STRN3: variants seen among roughly 807,000 people sequenced by gnomAD.
The protein encoded by STRN3 is striatin 3.
Under a neutral mutation model 95.6 loss-of-function variants are expected in STRN3, and 29 were observed. The ratio of observed to expected loss-of-function variants is 0.30; its 90% CI spans 0.23 to 0.41. The LOEUF is 0.41. Among genes scored for constraint, STRN3 ranks in the 10% least tolerant of loss-of-function variants. STRN3 has a pLI of 1.00. For synonymous variants in STRN3, 331 were observed against 357.6 expected (o/e 0.93, Z 0.84); for missense variants, 890 against 972.1 (o/e 0.92, Z 1.12).
intron 1 of STRN3, among the ~76,000 whole-genome samples, chr14:31,019,829 T>C (rs1883417125): frequency 6.6e-6 from 1 of 152,068 alleles, no homozygotes; most frequent in Non-Finnish European, 1.5e-5. Flanking sequence ...TTTAGGATAC[T>C]GATGTTACCT....
intron 1 of STRN3, among the ~76,000 whole-genome samples, chr14:30,962,953 G>A (rs1455740386): frequency 1.3e-5 from 2 of 152,070 alleles, no homozygotes; most frequent in African/African-American, 4.8e-5. Flanking sequence ...TCTCAGAATA[G>A]GCTATACCAC....
intron 3 of STRN3, among the ~76,000 whole-genome samples, chr14:30,952,124 C>CAAAAA (rs71112359): frequency 2.0e-5 from 3 of 149,950 alleles, no homozygotes; most frequent in African/African-American, 7.4e-5. Context: ...TCTTAAACAA[C>CAAAAA]AAAAAAAAAG....
chr14:30,925,040 A>G (rs533955876), intron 8 of STRN3, among the ~76,000 whole-genome samples: 2 of 152,354 alleles, frequency 1.3e-5, no homozygotes, highest in East Asian at 3.9e-4. Flanking sequence ...TTGAAGCCTG[A>G]GACCAAAATA....
At chr14:31,014,633 T>G in intron 1 of STRN3, 1 of 442,614 alleles carries the variant, frequency 2.3e-6, no homozygotes, top group Non-Finnish European at 4.5e-6. Flanking sequence ...TTTTAAATCT[T>G]GTTCACTGAA....
At chr14:30,905,339 A>C in intron 15 of STRN3, 79 bp downstream of exon 15, 1 of 1,331,996 alleles carries the variant, frequency 7.5e-7, no homozygotes, top group Non-Finnish European at 9.9e-7. Flanking sequence ...TAGTGAAAAT[A>C]TGAAAATTAG....
chr14:30,973,980 A>G (rs1310195390), intron 1 of STRN3, among the ~76,000 whole-genome samples: 1 of 152,234 alleles, frequency 6.6e-6, no homozygotes, highest in Non-Finnish European at 1.5e-5. Flanking sequence ...TAAAAGCCAT[A>G]TATGAAAAGC....
chr14:30,912,015 AG>A lies in STRN3; in HGVS notation c.1541del (p.Pro514LeufsTer8). On this transcript the variant is annotated frameshift_variant, in exon 11 of 18. Coordinates refer to ENST00000357479, the MANE Select transcript of STRN3 (RefSeq NM_001083893.2). LOFTEE classifies it high-confidence loss of function. ...AACACTAAAATACTTGCTTTTTGGC[AG>A]GAACTGTTTTTTGCAGGTTCCAAAG... ...LKLWNLQKTV[P>X]AKKSASLDVE... is the part of the protein sequence containing the mutation. The A allele has an allele frequency of 6.2e-7, 1 of 1,606,230 alleles. No homozygotes were observed. Among genetic ancestry groups the A allele is most frequent in the Non-Finnish European group, 8.5e-7 (1 of 1,178,160 alleles).
intron 8 of STRN3, among the ~76,000 whole-genome samples, chr14:30,924,351 G>A (rs576388708): frequency 2.1e-4 from 28 of 130,894 alleles, no homozygotes; most frequent in South Asian, 7.3e-4. Flanking sequence ...GCAGTGGCGC[G>A]ATCCTGACTC....
At chr14:30,947,750 C>T (rs1057265712) in intron 4 of STRN3, among the ~76,000 whole-genome samples, 1 of 152,122 alleles carries the variant, frequency 6.6e-6, no homozygotes, top group Non-Finnish European at 1.5e-5. Context: ...AATTCTCCTT[C>T]TAGGATCTAA....
rs2273171 is a variant in STRN3, at chr14:30,912,145, T to C, written c.1412A>G (p.Asn471Ser). The change falls in exon 11 of 18, where the codon AAT (asparagine) becomes AGT (serine). Residue 471 changes from asparagine to serine, a missense_variant. Around this residue, in one of 3 missense-constraint regions of STRN3, gnomAD observed 357 missense variants for 422.8 expected, o/e 0.84. Coordinates refer to ENST00000357479, the MANE Select transcript of STRN3 (RefSeq NM_001083893.2). ...ATGGCTACGTAGTGTATACTTGGGA[T>C]TCCATGTCTTTCGAAAGGCATCTTT... ...ANKDAFRKTW[N>S]PKYTLRSHFD... 0.45 allele frequency: 731,895 copies of C among 1,611,204 alleles called. 168,995 individuals are homozygous for C. Among genetic ancestry groups the C allele is most frequent in the Non-Finnish European group, 0.47 (557,187 of 1,179,074 alleles).
chr14:30,925,954 T>C (rs1167110263), intron 8 of STRN3, among the ~76,000 whole-genome samples: 1 of 152,106 alleles, frequency 6.6e-6, no homozygotes, highest in Non-Finnish European at 1.5e-5. Flanking sequence ...CCTTTTCATG[T>C]AAAATTATAT....
At chr14:31,003,320 G>A (rs1882557588) in intron 1 of STRN3, among the ~76,000 whole-genome samples, 2 of 149,616 alleles carry the variant, frequency 1.3e-5, no homozygotes, top group Non-Finnish European at 3.0e-5. Context: ...TAAATTTTAT[G>A]TCATATGTAT....
intron 1 of STRN3, among the ~76,000 whole-genome samples, chr14:30,980,161 C>T (rs1433190263): frequency 6.6e-6 from 1 of 151,758 alleles, no homozygotes; most frequent in Non-Finnish European, 1.5e-5. Context: ...AGGAGAACTG[C>T]TTGAGCCCAA....
intron 3 of STRN3, among the ~76,000 whole-genome samples, chr14:30,951,754 T>C (rs1182184535): frequency 6.6e-6 from 1 of 151,760 alleles, no homozygotes; most frequent in African/African-American, 2.4e-5. Flanking sequence ...AACCAGAAAA[T>C]AGTTTTTACT....
intron 4 of STRN3, among the ~76,000 whole-genome samples, chr14:30,948,827 C>A (rs895448275): frequency 2.0e-5 from 3 of 152,202 alleles, no homozygotes; most frequent in Non-Finnish European, 4.4e-5. Context: ...CAAGTGATTT[C>A]TCTACTGTCC....
chr14:30,999,926 A>C (rs1305367367), intron 1 of STRN3, among the ~76,000 whole-genome samples: 1 of 152,220 alleles, frequency 6.6e-6, no homozygotes, highest in African/African-American at 2.4e-5. Flanking sequence ...GCAATTCATC[A>C]CATACTAAGG....
chr14:30,913,366 G>C (rs1169689120), intron 10 of STRN3, among the ~76,000 whole-genome samples, 158 bp downstream of exon 10: 1 of 152,022 alleles, frequency 6.6e-6, no homozygotes, highest in African/African-American at 2.4e-5. Flanking sequence ...CACAAAGAGA[G>C]TAGTTATAAA....
intron 5 of STRN3, among the ~76,000 whole-genome samples, chr14:30,937,612 CAGT>C (rs1414892612): frequency 2.0e-5 from 3 of 152,134 alleles, no homozygotes; most frequent in Non-Finnish European, 2.9e-5. Context: ...AGCAACAAAA[CAGT>C]AGAAAATTCA....
At chr14:31,016,449 C>A (rs1448579006) in intron 1 of STRN3, among the ~76,000 whole-genome samples, 1 of 152,066 alleles carries the variant, frequency 6.6e-6, no homozygotes, top group Non-Finnish European at 1.5e-5. Flanking sequence ...ACATATTATA[C>A]GATTCAAACT....
Sources: gnomAD v4.1 joint callset for allele counts (sites outside exome capture counted in the v4.1 genomes callset) on GRCh38, gnomAD v4.1.1 for gene constraint, gnomAD v4.1.1 regional missense constraint, MANE v1.5 for transcripts, NCBI Gene and HGNC (gene_info 2026-07-23, HGNC 2026-07-21) for gene names.